NFX1: variants seen among roughly 807,000 people sequenced by gnomAD.
NFX1 encodes transcriptional repressor NF-X1.
A neutral mutation model predicts 137.2 loss-of-function variants in NFX1; 69 were observed. The ratio of observed to expected loss-of-function variants is 0.50; its 90% CI spans 0.41 to 0.61. The LOEUF (loss-of-function observed/expected upper bound fraction) is 0.61. NFX1 is among the 20% of genes least tolerant of loss of function. The probability of loss-of-function intolerance (pLI) is 0.00; values close to 1 mark genes in which losing one functional copy is unlikely to be tolerated. For missense variants in NFX1, 1,167 were observed against 1,391.0 expected (o/e 0.84, Z 2.56); for synonymous variants, 495 against 474.1 (o/e 1.04, Z -0.57).
At chr9:33,367,251 A>G (rs906334956) in intron 22 of NFX1, among the ~76,000 whole-genome samples, 2 of 152,192 alleles carry the variant, frequency 1.3e-5, no homozygotes, top group Admixed American at 6.5e-5. Flanking sequence ...GGGAGGACCT[A>G]GGATCACTCT....
chr9:33,297,566 A>G (rs1821402262), intron 2 of NFX1, among the ~76,000 whole-genome samples: 1 of 152,122 alleles, frequency 6.6e-6, no homozygotes, highest in Admixed American at 6.5e-5. Context: ...AGTGTCTCCA[A>G]ATTTGGCTAG....
chr9:33,340,276 G>A (rs146955754), intron 12 of NFX1, among the ~76,000 whole-genome samples: 1,589 of 152,296 alleles, frequency 0.01, 31 homozygotes, highest in African/African-American at 0.036. Context: ...CTGTGCACCC[G>A]CAGGCTCAGC....
chr9:33,353,986 G>T, intron 17 of NFX1, 100 bp from the exon 18 acceptor site: 1 of 1,097,774 alleles, frequency 9.1e-7, no homozygotes. Context: ...CACCACACCT[G>T]GCCTAGATTT....
chr9:33,301,502 C>T (rs908295380), intron 3 of NFX1, 81 bp downstream of exon 3: 5 of 1,455,394 alleles, frequency 3.4e-6, no homozygotes, highest in Non-Finnish European at 4.6e-6. Flanking sequence ...TTTAAAAATA[C>T]AGTTTAATTT....
intron 10 of NFX1, among the ~76,000 whole-genome samples, chr9:33,329,160 A>G (rs989840618): frequency 1.3e-5 from 2 of 152,226 alleles, no homozygotes; most frequent in Non-Finnish European, 2.9e-5. Flanking sequence ...AGAGTCCAAA[A>G]AAATACCAAA....
chr9:33,363,015 G>A (rs993715976), intron 19 of NFX1, among the ~76,000 whole-genome samples: 4 of 151,446 alleles, frequency 2.6e-5, no homozygotes, highest in Non-Finnish European at 4.4e-5. Context: ...AAGTTCTCGT[G>A]TTCTATGGCA....
chr9:33,312,388 A>G (rs1821993584), intron 6 of NFX1, among the ~76,000 whole-genome samples: 1 of 152,270 alleles, frequency 6.6e-6, no homozygotes, highest in African/African-American at 2.4e-5. Context: ...ATGGCAGCAT[A>G]ATAGGCTAGT....
chr9:33,361,366 GTATGTATACAT>G (rs1239782718), intron 19 of NFX1, among the ~76,000 whole-genome samples: 1 of 152,064 alleles, frequency 6.6e-6, no homozygotes, highest in Non-Finnish European at 1.5e-5. Context: ...AGCATGATGT[GTATGTATACAT>G]TGTGGAATGG....
chr9:33,363,263 GTAT>G (rs60988084), intron 19 of NFX1, among the ~76,000 whole-genome samples: 11,489 of 144,708 alleles, frequency 0.079, 1,100 homozygotes, highest in African/African-American at 0.24. Context: ...ATAAAGAAAT[GTAT>G]TATTATTATT....
chr9:33,366,535 A>G, intron 21 of NFX1, 94 bp from the exon 22 acceptor site: 1 of 1,470,290 alleles, frequency 6.8e-7, no homozygotes, highest in Non-Finnish European at 9.3e-7. Context: ...ATCACCTCTT[A>G]TTGATCCCTG....
intron 20 of NFX1, 128 bp downstream of exon 20, chr9:33,364,236 A>G: frequency 1.7e-6 from 1 of 598,818 alleles, no homozygotes; most frequent in Non-Finnish European, 2.9e-6. Flanking sequence ...ATCTATTGTA[A>G]GAGATTATGT....
chr9:33,304,708 G>A (rs1377564912), intron 4 of NFX1, among the ~76,000 whole-genome samples: 2 of 152,082 alleles, frequency 1.3e-5, no homozygotes, highest in Non-Finnish European at 2.9e-5. Flanking sequence ...GGTCTTACAT[G>A]TTTTATTGAC....
intron 18 of NFX1, among the ~76,000 whole-genome samples, 199 bp from the exon 19 acceptor site, chr9:33,354,652 G>A (rs895143588): frequency 1.3e-5 from 2 of 152,142 alleles, no homozygotes; most frequent in African/African-American, 4.8e-5. Context: ...GGGGTCCCTG[G>A]GGAAATGGTA....
chr9:33,364,521 T>G (rs1222596904), intron 20 of NFX1, among the ~76,000 whole-genome samples, 187 bp from the exon 21 acceptor site: 1 of 152,210 alleles, frequency 6.6e-6, no homozygotes, highest in Admixed American at 6.5e-5. Context: ...CCTTTCATCT[T>G]CTCATTTCTT....
At chr9:33,316,530 T>C (rs952909076) in intron 7 of NFX1, among the ~76,000 whole-genome samples, 6 of 152,306 alleles carry the variant, frequency 3.9e-5, no homozygotes, top group African/African-American at 1.2e-4. Context: ...TGTTTCTGTT[T>C]AGTTGATTTT....
chr9:33,365,072 T>G, intron 21 of NFX1: 4 of 890,832 alleles, frequency 4.5e-6, no homozygotes, highest in Admixed American at 4.5e-5. Flanking sequence ...TCAGGAGTTC[T>G]AGATCAGCTT....
chr9:33,300,541 C>CA (rs1821520861), intron 2 of NFX1, among the ~76,000 whole-genome samples: 1 of 152,162 alleles, frequency 6.6e-6, no homozygotes, highest in Admixed American at 6.5e-5. Context: ...CACTCACACT[C>CA]AGTTTTGAGA....
intron 21 of NFX1, chr9:33,365,721 G>A (rs1430878753): frequency 6.6e-6 from 1 of 152,246 alleles, no homozygotes; most frequent in Non-Finnish European, 1.5e-5. Flanking sequence ...GACTGTGTGG[G>A]ACACTTAGGA....
intron 1 of NFX1, 21 bp from the exon 2 acceptor site, chr9:33,294,399 T>C: frequency 6.5e-7 from 1 of 1,527,408 alleles, no homozygotes; most frequent in South Asian, 1.3e-5. Context: ...TTTACTGGCA[T>C]GTCTATTTTT....
Sources: allele counts gnomAD v4.1 joint callset (sites outside exome capture counted in the v4.1 genomes callset), GRCh38; gene constraint gnomAD v4.1.1; transcripts MANE v1.5; gene names NCBI Gene and HGNC (gene_info 2026-07-23, HGNC 2026-07-21).